The following SEL1L3 variants were observed in gnomAD, a reference collection of about 807,000 sequenced individuals.
SEL1L3 encodes the protein SEL1L family member 3.
SEL1L3 carries 76 observed loss-of-function variants against 142.8 expected under a neutral mutation model. The ratio of observed to expected loss-of-function variants is 0.53; its 90% CI spans 0.44 to 0.64. SEL1L3 has a LOEUF of 0.64. Ranked by LOEUF, SEL1L3 falls within the 30% of genes least tolerant of loss-of-function variation. The probability of loss-of-function intolerance (pLI) is 0.00; values close to 1 mark genes in which losing one functional copy is unlikely to be tolerated. For missense variants in SEL1L3, 1,262 were observed against 1,381.7 expected (o/e 0.91, Z 1.37); for synonymous variants, 504 against 519.6 (o/e 0.97, Z 0.41).
chr4:25,785,988 C>T (rs778236374), intron 13 of SEL1L3, among the ~76,000 whole-genome samples: 8 of 152,148 alleles, frequency 5.3e-5, no homozygotes, highest in East Asian at 1.9e-4. Context: ...TGCACAAAGA[C>T]GATGTACTCT....
downstream of SEL1L3, among the ~76,000 whole-genome samples, chr4:25,744,348 C>CTTTT (rs35155388): frequency 9.9e-6 from 1 of 101,426 alleles, no homozygotes; most frequent in Admixed American, 1.3e-4. Flanking sequence ...ATGTGTGAGT[C>CTTTT]TTTTTTTTTT....
At chr4:25,835,115 A>C (rs1443160834) in intron 3 of SEL1L3, 82 bp downstream of exon 3, 1 of 1,526,868 alleles carries the variant, frequency 6.5e-7, no homozygotes, top group Non-Finnish European at 8.9e-7. Flanking sequence ...TGTCTTCCTA[A>C]GGAATTCTTC....
intron 11 of SEL1L3, among the ~76,000 whole-genome samples, chr4:25,791,090 C>T (rs961987767): frequency 2.6e-5 from 4 of 152,228 alleles, no homozygotes; most frequent in African/African-American, 9.6e-5. Flanking sequence ...AAGTCCACTT[C>T]GTGCAACTGA....
chr4:25,726,527 C>CAAAA, the SEL1L3 span, among the ~76,000 whole-genome samples: 1 of 123,078 alleles, frequency 8.1e-6, no homozygotes, highest in Admixed American at 8.6e-5. Context: ...GACTTGGTCT[C>CAAAA]AAAAAAAAAA....
At chr4:25,808,245 TAGA>T (rs1713731459) in intron 9 of SEL1L3, among the ~76,000 whole-genome samples, 1 of 152,194 alleles carries the variant, frequency 6.6e-6, no homozygotes, top group Non-Finnish European at 1.5e-5. Flanking sequence ...ACAAACAAAA[TAGA>T]AGAAGCAGCC....
chr4:25,854,438 C>T (rs1189126694), intron 1 of SEL1L3, among the ~76,000 whole-genome samples: 2 of 152,052 alleles, frequency 1.3e-5, no homozygotes, highest in Admixed American at 6.6e-5. Context: ...CCACCACACC[C>T]GGGTAATTTT....
Position 25,790,384 on chromosome 4 carries a change from T to C in SEL1L3, c.2076+71A>G, listed in dbSNP as rs995272909. 2.7e-6 allele frequency: 4 copies of C among 1,468,786 alleles called. No homozygotes were observed. In the Admixed American group the frequency reaches 5.1e-5, roughly 19 times the overall value. The allele number at this position is 1,468,786 out of a possible 1,614,324, so 91.0% of individuals were successfully genotyped here. A position where few individuals can be genotyped will look rare whatever the true frequency, so the allele number is the denominator to read the frequency against. On this transcript the variant is annotated intron_variant, in intron 12 of 23. Transcript: ENST00000399878. ...TTTTAAGCCACTGCAGTTTGAGATG[T>C]TTCATTACCACGGTATAACCCAGTC...
the SEL1L3 span, among the ~76,000 whole-genome samples, chr4:25,715,834 T>TA: frequency 6.6e-6 from 1 of 152,128 alleles, no homozygotes; most frequent in Non-Finnish European, 1.5e-5. Context: ...CATAACAGTG[T>TA]ACACTAATAT....
intron 7 of SEL1L3, among the ~76,000 whole-genome samples, chr4:25,821,505 A>G (rs1232664754): frequency 2.0e-5 from 3 of 152,240 alleles, no homozygotes; most frequent in Non-Finnish European, 4.4e-5. Flanking sequence ...CAGAGGATTC[A>G]GCCCTGAACA....
rs547295257 is a variant in SEL1L3 at position 25,812,016 on chromosome 4, C to T, written c.1564+6122G>A. Among the ~76,000 whole-genome samples, 33 of 152,280 alleles carry T rather than the reference C, an allele frequency of 2.2e-4. 1 individual carries two copies. The Middle Eastern group carries it at 0.01, about 47-fold the overall frequency. ...CACCATTCGATCCTACATGTGTCTC[C>T]GTCGCTCACTCCGTGGCAAGCTTGT... On this transcript the variant is annotated intron_variant, in intron 9 of 23. Transcript: ENST00000399878.
At position 25,776,298 on chromosome 4, in the gene SEL1L3, T is replaced by C. The variant is rs776581663; in HGVS notation, c.2648A>G (p.Asn883Ser). ...TTACCATGAACCTTCCAGGTAGGCATTGAGGCCTTTGCGGATGACATGGCC... is the reference window on the plus strand; with the variant it reads ...TTACCATGAACCTTCCAGGTAGGCACTGAGGCCTTTGCGGATGACATGGCC... ...YLGHVIRKGL[N>S]AYLEGSWHEA... Residue 883 changes from asparagine (N) to serine (S), a missense_variant, in exon 17 of 24, where the codon AAT becomes AGT. Asn to Ser is a conservative substitution (Grantham distance 46). This residue lies in a region of SEL1L3 where 435 missense variants were observed against 559.2 expected (regional missense o/e 0.78). Coordinates refer to ENST00000399878, the MANE Select transcript of SEL1L3 (RefSeq NM_015187.5). 6.8e-6 allele frequency: 11 copies of C among 1,612,636 alleles called. 1 individual carries two copies. The highest frequency in any genetic ancestry group is 6.7e-5 in the Admixed American group (4 of 59,976).
intron 17 of SEL1L3, among the ~76,000 whole-genome samples, chr4:25,768,684 T>C (rs1718934248): frequency 6.6e-6 from 1 of 152,152 alleles, no homozygotes. Context: ...TGGAAACAAA[T>C]GTCTGAAAAT....
chr4:25,814,714 C>T (rs964843075), intron 9 of SEL1L3, among the ~76,000 whole-genome samples: 4 of 151,964 alleles, frequency 2.6e-5, no homozygotes, highest in African/African-American at 4.8e-5. Flanking sequence ...CGTCTTACTA[C>T]GGTTCTTTTT....
chr4:25,787,679 A>G (rs1234179174), intron 13 of SEL1L3, among the ~76,000 whole-genome samples: 5 of 152,116 alleles, frequency 3.3e-5, no homozygotes, highest in African/African-American at 1.2e-4. Flanking sequence ...TGGTCCTATT[A>G]TCTCACTCAA....
At position 25,833,488 on chromosome 4, in the gene SEL1L3, A is replaced by G. The variant is rs201342392; in HGVS notation, c.942T>C (p.Asn314=). ...ATACAGAAGGTGTGCCGTACATCTC[A>G]TTAGAGTCAACAAAGTACAGAATCC... ...LCGILYFVDS[N]EMYGTPSVFL... is the part of the protein sequence containing the mutation. The change falls in exon 4 of 24, where the codon AAT becomes AAC. Residue 314 remains asparagine (N), a synonymous_variant. Transcript: ENST00000399878. 4 of 1,613,106 alleles carry G rather than the reference A, an allele frequency of 2.5e-6. No homozygotes were observed. The Admixed American group carries it at 6.7e-5, about 27-fold the overall frequency.
intron 22 of SEL1L3, 29 bp from the exon 23 acceptor site, chr4:25,757,635 A>C: frequency 6.4e-7 from 1 of 1,558,178 alleles, no homozygotes; most frequent in Non-Finnish European, 8.7e-7. Flanking sequence ...CGCATTAGTG[A>C]CTGACAAAGG....
chr4:25,812,843 T>C (rs1034009655), intron 9 of SEL1L3, among the ~76,000 whole-genome samples: 7 of 151,154 alleles, frequency 4.6e-5, no homozygotes, highest in African/African-American at 1.5e-4. Context: ...CAAAACCCCA[T>C]CTCTACTAAA....
chr4:25,829,032 G>T (rs537972834), intron 6 of SEL1L3, among the ~76,000 whole-genome samples: 1 of 152,266 alleles, frequency 6.6e-6, no homozygotes, highest in East Asian at 1.9e-4. Context: ...GAGTGCAGTG[G>T]CGCCATCTCA....
At chr4:25,814,463 C>G (rs1714236614) in intron 9 of SEL1L3, among the ~76,000 whole-genome samples, 1 of 152,160 alleles carries the variant, frequency 6.6e-6, no homozygotes, top group Admixed American at 6.5e-5. Flanking sequence ...ATGCTTGAAT[C>G]CATTCTTATA....
Sources: gnomAD v4.1 joint callset for allele counts (sites outside exome capture counted in the v4.1 genomes callset) on GRCh38, gnomAD v4.1.1 for gene constraint, gnomAD v4.1.1 regional missense constraint, MANE v1.5 for transcripts, NCBI Gene and HGNC (gene_info 2026-07-23, HGNC 2026-07-21) for gene names.